Variants in UGT1A6 observed in about 807,000 individuals in gnomAD.
UGT1A6 encodes UDP-glucuronosyltransferase 1A6.
Under a neutral mutation model 44.4 loss-of-function variants are expected in UGT1A6, and 32 were observed. The ratio of observed to expected loss-of-function variants is 0.72; its 90% CI spans 0.54 to 0.97. UGT1A6 has a LOEUF of 0.97. Among genes scored for constraint, UGT1A6 ranks in the 50% least tolerant of loss-of-function variants. The probability of loss-of-function intolerance (pLI) is 0.00; values close to 1 mark genes in which losing one functional copy is unlikely to be tolerated. For synonymous variants in UGT1A6, 238 were observed against 248.5 expected, an observed-to-expected ratio of 0.96 and a Z score of 0.40; for missense variants, 685 against 661.9, an observed-to-expected ratio of 1.03 and a Z score of -0.38.
chr2:233,695,630 G>A (rs979864774), intron 1 of UGT1A6, among the ~76,000 whole-genome samples: 8 of 151,156 alleles, frequency 5.3e-5, no homozygotes, highest in African/African-American at 1.9e-4. Context: ...ACCTCCATGA[G>A]ACCCACTTTT....
chr2:233,757,129 T>C (rs1190338249), intron 1 of UGT1A6, among the ~76,000 whole-genome samples: 1 of 150,874 alleles, frequency 6.6e-6, no homozygotes, highest in Non-Finnish European at 1.5e-5. Context: ...AGAGGAGGAA[T>C]GAGCTTGGAC....
At chr2:233,719,614 A>C in intron 1 of UGT1A6, 3 of 1,613,882 alleles carry the variant, frequency 1.9e-6, no homozygotes, top group Non-Finnish European at 2.5e-6. Context: ...GTGATGGACT[A>C]CCCCAGGCCG....
intron 1 of UGT1A6, chr2:233,718,705 T>C: frequency 1.9e-6 from 3 of 1,603,136 alleles, no homozygotes; most frequent in Non-Finnish European, 2.6e-6. Flanking sequence ...CACTTTGTCT[T>C]CCAATTACAT....
intron 1 of UGT1A6, chr2:233,755,008 C>T (rs1695684715): frequency 3.1e-6 from 4 of 1,292,406 alleles, no homozygotes; most frequent in African/African-American, 1.5e-5. Context: ...AAGACCTACT[C>T]GAAGGGGTCC....
chr2:233,768,874 G>A (rs1264130017), intron 4 of UGT1A6, among the ~76,000 whole-genome samples: 1 of 151,996 alleles, frequency 6.6e-6, no homozygotes, highest in East Asian at 1.9e-4. Flanking sequence ...ATGAGCCAGC[G>A]CGTCTGACCT....
chr2:233,717,804 C>A (rs147106885), intron 1 of UGT1A6: 23 of 455,884 alleles, frequency 5.0e-5, no homozygotes, highest in African/African-American at 3.8e-4. Context: ...AGTGCCCCCA[C>A]AAATTATGCA....
At chr2:233,692,353 G>A (rs13015720), upstream of UGT1A6, 60,428 of 154,122 alleles carry the variant, frequency 0.39, 12,046 homozygotes, top group South Asian at 0.45. Flanking sequence ...CTTCAGTTCT[G>A]TGAGCCATTC....
At chr2:233,725,400 G>A (rs1284897270) in intron 1 of UGT1A6, among the ~76,000 whole-genome samples, 1 of 151,356 alleles carries the variant, frequency 6.6e-6, no homozygotes, top group Non-Finnish European at 1.5e-5. Flanking sequence ...TACCTTGATG[G>A]TCTAATACAG....
intron 1 of UGT1A6, chr2:233,713,035 G>A: frequency 5.0e-6 from 8 of 1,613,988 alleles, no homozygotes; most frequent in Non-Finnish European, 6.8e-6. Context: ...CTGGCCACAG[G>A]ACTGCTGCTT....
chr2:233,754,946 G>A, intron 1 of UGT1A6: 1 of 1,327,700 alleles, frequency 7.5e-7, no homozygotes, highest in Non-Finnish European at 1.0e-6. Context: ...AGGAGAATGG[G>A]TCCCGGCCGC....
rs757687307 is a variant in UGT1A6, at chr2:233,767,853, T to A, written c.998T>A (p.Leu333Gln). The change falls in exon 3 of 5, where the codon CTG (leucine) becomes CAG (glutamine). Residue 333 changes from leucine (L) to glutamine (Q), a missense_variant. Physicochemically the swap from Leu to Gln is moderately radical, Grantham distance 113 (BLOSUM62 -2). Transcript: ENST00000305139. ...DALGKIPQTV[L>Q]WRYTGTRPSN... ...TGCTCTTTTTGCCCCTCCCAGGTCCTGTGGCGGTACACTGGAACCCGACCA... is the reference window on the plus strand; with the variant it reads ...TGCTCTTTTTGCCCCTCCCAGGTCCAGTGGCGGTACACTGGAACCCGACCA... 7.4e-6 allele frequency: 12 copies of A among 1,614,210 alleles called. No homozygotes were observed. Among genetic ancestry groups the A allele is most frequent in the African/African-American group, 1.3e-5 (1 of 75,056 alleles).
At chr2:233,754,206 T>C (rs1220915682) in intron 1 of UGT1A6, 1 of 163,280 alleles carries the variant, frequency 6.1e-6, no homozygotes, top group Admixed American at 5.7e-5. Context: ...AACATTGAAG[T>C]CAAATGATTT....
At chr2:233,742,048 G>A (rs1013653818) in intron 1 of UGT1A6, 2 of 151,922 alleles carry the variant, frequency 1.3e-5, no homozygotes, top group Non-Finnish European at 2.9e-5. Context: ...ATAGCAATAG[G>A]ATAGTTCTGT....
chr2:233,711,047 C>G (rs2076160015), intron 1 of UGT1A6, among the ~76,000 whole-genome samples: 2 of 152,134 alleles, frequency 1.3e-5, no homozygotes, highest in African/African-American at 4.8e-5. Flanking sequence ...TCACTGACAC[C>G]CATGGCTTCA....
At chr2:233,747,842 G>C in intron 1 of UGT1A6, 1 of 1,613,390 alleles carries the variant, frequency 6.2e-7, no homozygotes, top group Non-Finnish European at 8.5e-7. Context: ...TCCTGCAAAG[G>C]GTCAAGAACA....
intron 1 of UGT1A6, among the ~76,000 whole-genome samples, chr2:233,751,474 G>T (rs1469099593): frequency 6.6e-6 from 1 of 152,210 alleles, no homozygotes; most frequent in South Asian, 2.1e-4. Context: ...GATTGGTTTT[G>T]AAATGTGAAA....
At position 233,769,031 on chromosome 2, in the gene UGT1A6, T is replaced by A. The variant is rs1307617494; in HGVS notation, c.1301+592T>A. ...CAATTTACATAAAAAGTTGCCATAA[T>A]AGACATCTGATCCATAAGTTTCCTG... On this transcript the variant is annotated intron_variant, in intron 4 of 4. Transcript: ENST00000305139. The surrounding 1 kb of genome is among the most constrained non-coding windows in gnomAD (Gnocchi z 4.4). 6.6e-6 allele frequency among the ~76,000 whole-genome samples: 1 copy of A among 152,206 alleles called. No individual in the cohort carries two copies. The highest frequency in any genetic ancestry group is 1.5e-5 in the Non-Finnish European group (1 of 68,040).
At chr2:233,707,049 C>T (rs1469327934) in intron 1 of UGT1A6, among the ~76,000 whole-genome samples, 2 of 152,080 alleles carry the variant, frequency 1.3e-5, no homozygotes, top group African/African-American at 4.8e-5. Context: ...GGAAGCTGCT[C>T]AGGTGGACAG....
upstream of UGT1A6, chr2:233,692,249 A>G (rs992751778): frequency 6.6e-6 from 1 of 152,426 alleles, no homozygotes; most frequent in Admixed American, 6.5e-5. Flanking sequence ...CCATACCCCC[A>G]TATCTTGTTC....
Sources: allele counts gnomAD v4.1 joint callset (sites outside exome capture counted in the v4.1 genomes callset), GRCh38; gene constraint gnomAD v4.1.1; non-coding constraint Gnocchi (gnomAD v3.1); transcripts MANE v1.5; gene names NCBI Gene and HGNC (gene_info 2026-07-23, HGNC 2026-07-21).